MED21: variants seen among roughly 807,000 people sequenced by gnomAD.
MED21 encodes the protein mediator complex subunit 21.
A neutral mutation model predicts 18.2 loss-of-function variants in MED21; 9 were observed. The ratio of observed to expected loss-of-function variants is 0.49; its 90% CI spans 0.30 to 0.86. The LOEUF is 0.86. Among genes scored for constraint, MED21 ranks in the 40% least tolerant of loss-of-function variants. The pLI, the probability that MED21 is intolerant of heterozygous loss-of-function variation, is 0.07. For missense variants in MED21, 150 were observed against 170.9 expected (o/e 0.88, Z 0.68); for synonymous variants, 73 against 60.5 (o/e 1.21, Z -0.96).
intron 3 of MED21, among the ~76,000 whole-genome samples, 173 bp from the exon 4 acceptor site, chr12:27,028,112 T>A (rs1400519087): frequency 6.6e-6 from 1 of 152,190 alleles, no homozygotes; most frequent in Admixed American, 6.5e-5. Flanking sequence ...GAAAAGTCAT[T>A]CTTTTTAATA....
In MED21 at chr12:27,029,381, A is replaced by G; in HGVS notation, c.*920A>G. 2 of 985,394 alleles carry G rather than the reference A, an allele frequency of 2.0e-6. No individual in the cohort carries two copies. The highest frequency in any genetic ancestry group is 2.4e-6 in the Non-Finnish European group (2 of 829,906). The allele number at this position is 985,394 out of a possible 1,614,324, so 61.0% of individuals were successfully genotyped here. ...TCAGCATTTTCAACTATGGTTATTC[A>G]TCCAACCCTTGGATCTCTTTGAGTC... On this transcript the variant is annotated 3_prime_UTR_variant, in exon 4 of 4. Transcript: ENST00000282892.
Position 27,030,255 on chromosome 12 carries a change from C to G in MED21, c.*1794C>G. 1 of 598,188 alleles carries G rather than the reference C, an allele frequency of 1.7e-6. No individual in the cohort carries two copies. The highest frequency in any genetic ancestry group is 2.6e-5 in the Admixed American group (1 of 37,924). 37.1% of individuals were successfully genotyped at this position (598,188 alleles called of 1,614,324 possible). ...GGTGATCCTCCCACTTCAGCCTCTT[C>G]AGTAACTGGGACTACAGGCATGTAC... is the stretch of plus-strand genomic sequence containing the variant. On this transcript the variant is annotated 3_prime_UTR_variant, in exon 4 of 4. Coordinates refer to ENST00000282892, the MANE Select transcript of MED21 (RefSeq NM_004264.5).
rs1941579446 is a variant in MED21, at chr12:27,028,854, A to G, written c.*393A>G. 1 of 988,758 alleles carries G rather than the reference A, an allele frequency of 1.0e-6. No homozygotes were observed. Among genetic ancestry groups the G allele is most frequent in the Admixed American group, 6.0e-5 (1 of 16,686 alleles). The allele number at this position is 988,758 out of a possible 1,614,324, so 61.2% of individuals were successfully genotyped here. A position where few individuals can be genotyped will look rare whatever the true frequency, so the allele number is the denominator to read the frequency against. ...AAGACAGTAAGAACAGACATAAGGG[A>G]CATTTTAGTTTGGGCTAGTGTCCTG... On this transcript the variant is annotated 3_prime_UTR_variant, in exon 4 of 4. Coordinates refer to ENST00000282892, the MANE Select transcript of MED21 (RefSeq NM_004264.5).
At position 27,028,457 on chromosome 12, in the gene MED21, CAT is replaced by C. The variant is rs748257158; in HGVS notation, c.433_434del (p.Ter145AlafsTer17). 7.4e-6 allele frequency: 12 copies of C among 1,612,918 alleles called. No individual in the cohort carries two copies. The East Asian group carries it at 2.5e-4, about 33-fold the overall frequency. The stretch of plus-strand genomic sequence containing the variant: ...ACCCATAGCCAGTCTCTTCCAGACT[CAT>C]AGCATCAGTGGATACCATGTGGCTG... On this transcript the variant is annotated frameshift_variant and stop_lost, in exon 4 of 4. Coordinates refer to ENST00000282892, the MANE Select transcript of MED21 (RefSeq NM_004264.5). LOFTEE classifies it high-confidence loss of function.
chr12:27,031,141 A>C (rs564366693), downstream of MED21, among the ~76,000 whole-genome samples: 1 of 152,230 alleles, frequency 6.6e-6, no homozygotes, highest in East Asian at 1.9e-4. Context: ...TCCCAACCTT[A>C]GGTGATCCAC....
rs1262580657 is a variant in MED21, at chr12:27,029,324, C to T, written c.*863C>T. On this transcript the variant is annotated 3_prime_UTR_variant, in exon 4 of 4. Transcript: ENST00000282892. ...CATCAGTTACTTGGCATCATTTCAC[C>T]TCAGTTTATTATTGCCAAATAATAA... The T allele has an allele frequency of 1.0e-6, 1 of 985,370 alleles. No individual in the cohort carries two copies. Among genetic ancestry groups the T allele is most frequent in the Non-Finnish European group, 1.2e-6 (1 of 829,906 alleles). 61.0% of individuals were successfully genotyped at this position (985,370 alleles called of 1,614,324 possible).
chr12:27,033,419 A>C (rs1321909240), downstream of MED21, among the ~76,000 whole-genome samples: 1 of 152,220 alleles, frequency 6.6e-6, no homozygotes, highest in East Asian at 1.9e-4. Context: ...TCGACCCATC[A>C]TCATTCGTAT....
intron 2 of MED21, 70 bp downstream of exon 2, chr12:27,026,604 C>A: frequency 1.0e-6 from 1 of 1,001,848 alleles, no homozygotes; most frequent in East Asian, 2.5e-5. Context: ...AATTAGATTT[C>A]TTGAGAAATT....
At chr12:27,035,537 G>A (rs1303048862), downstream of MED21, among the ~76,000 whole-genome samples, 2 of 147,690 alleles carry the variant, frequency 1.4e-5, no homozygotes, top group Non-Finnish European at 3.0e-5. Context: ...TGCTGCACCC[G>A]TTAACTCGTC....
Position 27,028,666 on chromosome 12 carries a change from A to G in MED21, c.*205A>G. 1 of 1,234,784 alleles carries G rather than the reference A, an allele frequency of 8.1e-7. No homozygotes were observed. 76.5% of individuals were successfully genotyped at this position (1,234,784 alleles called of 1,614,324 possible). On this transcript the variant is annotated 3_prime_UTR_variant, in exon 4 of 4. Transcript: ENST00000282892. ...GATTGAATCAGCTTTAAAGCATCAT[A>G]CCATCATTTTTTAACTGAGTGAAAT...
intron 3 of MED21, 115 bp downstream of exon 3, chr12:27,027,562 G>T: frequency 2.9e-6 from 2 of 683,300 alleles, no homozygotes; most frequent in Non-Finnish European, 4.9e-6. Flanking sequence ...ACATACCTGA[G>T]ACAGTAATTT....
chr12:27,027,370 C>T lies in MED21; in HGVS notation c.181C>T (p.Leu61=). ...TEEYAQLFAA[L]IARTAKDIDV... ...AGAGTATGCCCAGCTTTTTGCAGCA[C>T]TGATTGCACGAACAGCAAAAGACAT... The change falls in exon 3 of 4, where the codon CTG becomes TTG. Residue 61 remains leucine (L), a synonymous_variant. Transcript: ENST00000282892. The T allele has an allele frequency of 6.2e-7, 1 of 1,613,662 alleles. No individual in the cohort carries two copies. The highest frequency in any genetic ancestry group is 8.5e-7 in the Non-Finnish European group (1 of 1,179,776).
downstream of MED21, among the ~76,000 whole-genome samples, chr12:27,034,819 C>T (rs753140041): frequency 7.9e-5 from 12 of 152,088 alleles, no homozygotes; most frequent in Middle Eastern, 3.2e-3. Context: ...GGCGTGATCT[C>T]GGCTCACTGC....
rs963551137 is a variant in MED21, at chr12:27,029,970, T to C, written c.*1509T>C. The C allele has an allele frequency of 1.7e-5, 4 of 228,978 alleles. No homozygotes were observed. Among genetic ancestry groups the C allele is most frequent in the African/African-American group, 2.3e-5 (1 of 42,778 alleles). 14.2% of individuals were successfully genotyped at this position (228,978 alleles called of 1,614,324 possible). A position where few individuals can be genotyped will look rare whatever the true frequency, so the allele number is the denominator to read the frequency against. On this transcript the variant is annotated 3_prime_UTR_variant, in exon 4 of 4. Transcript: ENST00000282892. Reference sequence around the variant, plus strand: ...AGCTTTTTAAAAAGAAGGGAAGTTATAGCAGAAGGAAACTTAGAATGGCAG... The same window carrying C: ...AGCTTTTTAAAAAGAAGGGAAGTTACAGCAGAAGGAAACTTAGAATGGCAG...
intron 2 of MED21, among the ~76,000 whole-genome samples, chr12:27,036,231 GTCT>G (rs367544651): frequency 0.03 from 4,547 of 152,286 alleles, 91 homozygotes; most frequent in Middle Eastern, 0.082. Context: ...CTGCATAAAT[GTCT>G]TCTTTTGAGA....
intron 3 of MED21, 31 bp from the exon 4 acceptor site, chr12:27,028,254 C>A: frequency 1.3e-6 from 2 of 1,560,108 alleles, no homozygotes; most frequent in Non-Finnish European, 1.7e-6. Flanking sequence ...TTTCTAAACT[C>A]TAAAGATTTT....
chr12:27,035,633 C>T, downstream of MED21, among the ~76,000 whole-genome samples: 1 of 139,842 alleles, frequency 7.2e-6, no homozygotes, highest in Non-Finnish European at 1.5e-5. Context: ...GTTCCCCTTC[C>T]TGTGTCCATG....
At position 27,030,295 on chromosome 12, in the gene MED21, A is replaced by AT; in HGVS notation, c.*1834_*1835insT. On this transcript the variant is annotated 3_prime_UTR_variant, in exon 4 of 4. Transcript: ENST00000282892. ...CAGGCATGTACTACCACGTCCAGCT[A>AT]ATTTTTTTTTTCTTTTTTTTTTAGA... The AT allele has an allele frequency of 2.0e-6, 1 of 497,952 alleles. No homozygotes were observed. The highest frequency in any genetic ancestry group is 3.6e-6 in the Non-Finnish European group (1 of 277,714). 30.8% of individuals were successfully genotyped at this position (497,952 alleles called of 1,614,324 possible). A position where few individuals can be genotyped will look rare whatever the true frequency, so the allele number is the denominator to read the frequency against.
intron 2 of MED21, chr12:27,038,802 T>C (rs1941664344): frequency 1.3e-5 from 2 of 152,226 alleles, no homozygotes; most frequent in Non-Finnish European, 2.9e-5. Flanking sequence ...TTAAAGTCAA[T>C]GCCTATGGAG....
Sources: gnomAD v4.1 joint callset for allele counts (sites outside exome capture counted in the v4.1 genomes callset) on GRCh38, gnomAD v4.1.1 for gene constraint, MANE v1.5 for transcripts, NCBI Gene and HGNC (gene_info 2026-07-23, HGNC 2026-07-21) for gene names.